Variants in DCP2 observed in about 807,000 individuals in gnomAD.
DCP2 encodes decapping mRNA 2, also known as m7GpppN-mRNA hydrolase.
DCP2 carries 30 observed loss-of-function variants against 56.1 expected under a neutral mutation model. That is an observed-to-expected ratio of 0.53 (90% CI 0.40 to 0.73). The LOEUF is 0.73. DCP2 is among the 30% of genes least tolerant of loss of function. The pLI is 0.00. For missense variants in DCP2, 533 were observed against 502.7 expected (o/e 1.06, Z -0.58); for synonymous variants, 197 against 163.3 (o/e 1.21, Z -1.57).
chr5:113,002,316 G>T (rs1225135989), intron 7 of DCP2, among the ~76,000 whole-genome samples: 1 of 151,770 alleles, frequency 6.6e-6, no homozygotes, highest in Non-Finnish European at 1.5e-5. Context: ...CCAGCTTCTC[G>T]GGAGGCTGAG....
chr5:112,997,768 C>T (rs941967563), intron 4 of DCP2, among the ~76,000 whole-genome samples: 4 of 152,066 alleles, frequency 2.6e-5, no homozygotes, highest in African/African-American at 4.8e-5. Flanking sequence ...GCGCACGCCA[C>T]CATGTTTGGC....
In DCP2 at chr5:113,009,921, C is replaced by CT. The variant is rs564861668; in HGVS notation, c.1048-821dup. 8.4e-3 allele frequency among the ~76,000 whole-genome samples: 1,149 copies of CT among 136,090 alleles called. 25 individuals are homozygous for CT. The highest frequency in any genetic ancestry group is 0.024 in the African/African-American group (896 of 37,118). 89.3% of individuals were successfully genotyped at this position (136,090 alleles called of 152,430 possible). Reference sequence around the variant, plus strand: ...AATGTAATGAATAATCTTTTTTTTCCTTTTTTTTTTTTTTGAGACAGGGTC... The same window carrying CT: ...AATGTAATGAATAATCTTTTTTTTCCTTTTTTTTTTTTTTTGAGACAGGGTC... On this transcript the variant is annotated intron_variant, in intron 9 of 10. Coordinates refer to ENST00000389063, the MANE Select transcript of DCP2 (RefSeq NM_152624.6).
intron 8 of DCP2, among the ~76,000 whole-genome samples, chr5:113,005,151 G>GGTGTGTGGGTGTGTGTGTGTGGGTGT (rs70973659): frequency 6.7e-6 from 1 of 149,420 alleles, no homozygotes. Context: ...TGTGCGTGTG[G>GGTGTGTGGGTGTGTGTGTGTGGGTGT]GTGTGTGTGT....
At chr5:112,993,835 C>CGT (rs1250212330) in intron 4 of DCP2, among the ~76,000 whole-genome samples, 4 of 151,774 alleles carry the variant, frequency 2.6e-5, no homozygotes, top group South Asian at 4.2e-4. Context: ...GTCTCTCTCT[C>CGT]GTGTGTGTGT....
At chr5:112,982,050 G>T (rs1240594555) in intron 1 of DCP2, among the ~76,000 whole-genome samples, 1 of 152,226 alleles carries the variant, frequency 6.6e-6, no homozygotes, top group African/African-American at 2.4e-5. Context: ...TTACAGGCGG[G>T]AGCCACCATG....
chr5:112,979,764 C>G (rs1747909100), intron 1 of DCP2, among the ~76,000 whole-genome samples: 1 of 152,152 alleles, frequency 6.6e-6, no homozygotes, highest in African/African-American at 2.4e-5. Context: ...TGCAGCCATT[C>G]TAAGTTCCTC....
chr5:113,006,735 T>G (rs181674293), intron 8 of DCP2, among the ~76,000 whole-genome samples: 1 of 152,352 alleles, frequency 6.6e-6, no homozygotes, highest in Admixed American at 6.5e-5. Context: ...TCGTTTTAAT[T>G]TAAACTTAAG....
At chr5:113,009,871 A>G (rs1258437035) in intron 9 of DCP2, among the ~76,000 whole-genome samples, 1 of 150,530 alleles carries the variant, frequency 6.6e-6, no homozygotes, top group African/African-American at 2.5e-5. Flanking sequence ...AGAAAAATAT[A>G]ATACTAATTA....
At chr5:112,990,533 C>T (rs1748531705) in intron 2 of DCP2, among the ~76,000 whole-genome samples, 2 of 152,196 alleles carry the variant, frequency 1.3e-5, no homozygotes, top group South Asian at 2.1e-4. Context: ...ATGTTGTATC[C>T]AAGCTTTCAT....
chr5:112,995,107 G>T (rs548568553), intron 4 of DCP2, among the ~76,000 whole-genome samples: 1 of 152,134 alleles, frequency 6.6e-6, no homozygotes, highest in Non-Finnish European at 1.5e-5. Context: ...CTTTGTAATA[G>T]AATCAAAAAA....
At position 113,014,486 on chromosome 5, in the gene DCP2, AG is replaced by A. The variant is rs1426599313; in HGVS notation, c.*1006del. On this transcript the variant is annotated 3_prime_UTR_variant, in exon 11 of 11. Transcript: ENST00000389063. ...CCCTGGATGATGGAGCGAGAAGGGA[AG>A]GGGTATGCAGTTTACCCAAGTCCAA... 1 of 152,632 alleles carries A rather than the reference AG, an allele frequency of 6.6e-6. No individual in the cohort carries two copies. Among genetic ancestry groups the A allele is most frequent in the Non-Finnish European group, 1.5e-5 (1 of 68,042 alleles). 9.5% of individuals were successfully genotyped at this position (152,632 alleles called of 1,614,324 possible). A position where few individuals can be genotyped will look rare whatever the true frequency, so the allele number is the denominator to read the frequency against.
At chr5:112,990,300 C>A (rs535642287) in intron 2 of DCP2, among the ~76,000 whole-genome samples, 1 of 152,270 alleles carries the variant, frequency 6.6e-6, no homozygotes, top group Non-Finnish European at 1.5e-5. Flanking sequence ...AATTGTGGAA[C>A]TTGTCTATGC....
intron 1 of DCP2, among the ~76,000 whole-genome samples, chr5:112,980,717 A>T (rs910886716): frequency 1.3e-5 from 2 of 152,046 alleles, no homozygotes; most frequent in Non-Finnish European, 2.9e-5. Context: ...TTTGAAAATT[A>T]GAGTACAGAC....
chr5:113,020,679 T>C lies in DCP2; in HGVS notation c.*7195T>C, dbSNP rs1355402514. 3 of 152,214 alleles carry C rather than the reference T, an allele frequency of 2.0e-5. No homozygotes were observed. The highest frequency in any genetic ancestry group is 7.2e-5 in the African/African-American group (3 of 41,444). 9.4% of individuals were successfully genotyped at this position (152,214 alleles called of 1,614,324 possible). A position where few individuals can be genotyped will look rare whatever the true frequency, so the allele number is the denominator to read the frequency against. On this transcript the variant is annotated 3_prime_UTR_variant, in exon 11 of 11. Transcript: ENST00000389063. ...GTTTGTGAATTGGAGTTTAAATGTT[T>C]GCAGGATTACTGTACTTCCAAAGAC...
Position 112,992,231 on chromosome 5 carries a change from G to T in DCP2, c.316G>T (p.Asp106Tyr), listed in dbSNP as rs377501923. 1.2e-6 allele frequency: 2 copies of T among 1,611,384 alleles called. No individual in the cohort carries two copies. Among genetic ancestry groups the T allele is most frequent in the Non-Finnish European group, 1.7e-6 (2 of 1,179,410 alleles). The change falls in exon 3 of 11, where the codon GAT becomes TAT. Residue 106 changes from aspartate to tyrosine, a missense_variant. Coordinates refer to ENST00000389063, the MANE Select transcript of DCP2 (RefSeq NM_152624.6). ...GVPTYGAIIL[D>Y]ETLENVLLVQ... is the part of the protein sequence containing the mutation. ...ACCAACATATGGTGCAATTATTCTTGATGAGACACTTGAAAATGTGAGTGT... is the reference window on the plus strand; with the variant it reads ...ACCAACATATGGTGCAATTATTCTTTATGAGACACTTGAAAATGTGAGTGT...
At chr5:112,990,299 A>G (rs1748521334) in intron 2 of DCP2, among the ~76,000 whole-genome samples, 1 of 152,180 alleles carries the variant, frequency 6.6e-6, no homozygotes, top group Non-Finnish European at 1.5e-5. Flanking sequence ...AAATTGTGGA[A>G]CTTGTCTATG....
intron 10 of DCP2, among the ~76,000 whole-genome samples, chr5:113,012,344 T>A (rs1176609661): frequency 1.3e-5 from 2 of 152,186 alleles, no homozygotes; most frequent in Non-Finnish European, 2.9e-5. Flanking sequence ...GGCAACAGAA[T>A]GAGACCATCT....
chr5:112,983,579 A>T (rs961729504), intron 1 of DCP2, among the ~76,000 whole-genome samples: 3 of 152,202 alleles, frequency 2.0e-5, no homozygotes, highest in Admixed American at 6.5e-5. Flanking sequence ...GCACTGAAGG[A>T]TATGAGTTTC....
chr5:113,007,567 A>G (rs887210661), intron 8 of DCP2, among the ~76,000 whole-genome samples: 1 of 151,908 alleles, frequency 6.6e-6, no homozygotes, highest in African/African-American at 2.4e-5. Flanking sequence ...TGCCCGGATA[A>G]GTTTTTGTAT....
Sources: gnomAD v4.1 joint callset for allele counts (sites outside exome capture counted in the v4.1 genomes callset) on GRCh38, gnomAD v4.1.1 for gene constraint, MANE v1.5 for transcripts, NCBI Gene and HGNC (gene_info 2026-07-23, HGNC 2026-07-21) for gene names.